The following PLXDC2 variants were observed in gnomAD, a reference collection of about 807,000 sequenced individuals.
PLXDC2 encodes plexin domain containing 2, also known as plexin domain-containing protein 2.
In PLXDC2, 40 loss-of-function variants were observed where a neutral mutation model predicts 68.9. The ratio of observed to expected loss-of-function variants is 0.58; its 90% CI spans 0.45 to 0.76. The LOEUF (loss-of-function observed/expected upper bound fraction) is 0.76. PLXDC2 is among the 30% of genes least tolerant of loss of function. PLXDC2 has a pLI of 0.00. For missense variants in PLXDC2, 644 were observed against 661.9 expected (o/e 0.97, Z 0.30); for synonymous variants, 243 against 234.2 (o/e 1.04, Z -0.34).
chr10:20,197,035 G>A (rs943978914), intron 9 of PLXDC2, among the ~76,000 whole-genome samples: 2 of 152,074 alleles, frequency 1.3e-5, no homozygotes, highest in African/African-American at 4.8e-5. Context: ...AATTCTTCAG[G>A]ATGTGCTAAT....
At chr10:20,161,532 G>A (rs767187822) in intron 6 of PLXDC2, among the ~76,000 whole-genome samples, 7 of 151,132 alleles carry the variant, frequency 4.6e-5, no homozygotes, top group Admixed American at 3.3e-4. Context: ...GGGAGAGGAC[G>A]ACAGAGGGTC....
At chr10:20,152,231 T>TA (rs1834162169) in intron 6 of PLXDC2, among the ~76,000 whole-genome samples, 1 of 152,124 alleles carries the variant, frequency 6.6e-6, no homozygotes, top group Non-Finnish European at 1.5e-5. Context: ...ATCTTGCTTA[T>TA]AGTGGGATTG....
At chr10:20,166,244 T>G (rs1444651592) in intron 7 of PLXDC2, among the ~76,000 whole-genome samples, 2 of 152,136 alleles carry the variant, frequency 1.3e-5, no homozygotes, top group Non-Finnish European at 2.9e-5. Context: ...TAAGATATCT[T>G]AGAACTGAAT....
At position 20,229,487 on chromosome 10, in the gene PLXDC2, TACTC is replaced by T. The variant is rs532418057; in HGVS notation, c.1312+10388_1312+10391del. Among the ~76,000 whole-genome samples, 14 of 138,552 alleles carry T rather than the reference TACTC, an allele frequency of 1.0e-4. No homozygotes were observed. In the South Asian group the frequency reaches 3.2e-3, roughly 32 times the overall value. The allele number at this position is 138,552 out of a possible 152,430, so 90.9% of individuals were successfully genotyped here. On this transcript the variant is annotated intron_variant, in intron 12 of 13. Coordinates refer to ENST00000377252, the MANE Select transcript of PLXDC2 (RefSeq NM_032812.9). ...GTGTGCTTGAATTAGCCATGCGTAT[TACTC>T]ACGTAATATGCTGATCCACTTTAAG...
At chr10:19,888,904 C>T (rs1837897441) in intron 1 of PLXDC2, among the ~76,000 whole-genome samples, 1 of 152,084 alleles carries the variant, frequency 6.6e-6, no homozygotes. Flanking sequence ...ACAATGCCAA[C>T]CAGTATTCTT....
intron 1 of PLXDC2, among the ~76,000 whole-genome samples, chr10:19,921,852 A>T (rs1833466520): frequency 6.6e-6 from 1 of 151,696 alleles, no homozygotes; most frequent in Non-Finnish European, 1.5e-5. Context: ...TAATTGTTCA[A>T]TTTTTTTTAA....
intron 3 of PLXDC2, among the ~76,000 whole-genome samples, chr10:20,049,153 AT>A (rs1835849767): frequency 6.6e-6 from 1 of 152,150 alleles, no homozygotes. Context: ...TATCAACAAA[AT>A]TCAACACCCT....
At chr10:19,866,982 G>C (rs1837429250) in intron 1 of PLXDC2, among the ~76,000 whole-genome samples, 1 of 151,932 alleles carries the variant, frequency 6.6e-6, no homozygotes, top group African/African-American at 2.4e-5. Flanking sequence ...TTGGCCTGTG[G>C]GTTTTCCTCT....
intron 2 of PLXDC2, among the ~76,000 whole-genome samples, chr10:20,040,839 G>A (rs1178231559): frequency 6.6e-6 from 1 of 152,136 alleles, no homozygotes; most frequent in Non-Finnish European, 1.5e-5. Flanking sequence ...ACAACCTGAA[G>A]GCCACTAGTT....
At chr10:19,856,662 C>G (rs989302975) in intron 1 of PLXDC2, among the ~76,000 whole-genome samples, 4 of 152,192 alleles carry the variant, frequency 2.6e-5, no homozygotes, top group African/African-American at 9.7e-5. Context: ...CAGCTCAACA[C>G]TGGCATTTCA....
chr10:20,166,469 A>G (rs1834375660), intron 7 of PLXDC2, among the ~76,000 whole-genome samples: 2 of 152,184 alleles, frequency 1.3e-5, no homozygotes, highest in South Asian at 4.1e-4. Flanking sequence ...GAGCTCTTAA[A>G]TAAGAGGCTG....
chr10:20,266,974 A>T (rs1403673569), intron 13 of PLXDC2, among the ~76,000 whole-genome samples: 1 of 152,220 alleles, frequency 6.6e-6, no homozygotes, highest in Non-Finnish European at 1.5e-5. Flanking sequence ...GAACTTAAGG[A>T]AACATCAAAC....
chr10:20,157,571 T>C (rs1304132379), intron 6 of PLXDC2, among the ~76,000 whole-genome samples: 2 of 152,206 alleles, frequency 1.3e-5, no homozygotes, highest in Non-Finnish European at 2.9e-5. Flanking sequence ...AGGAATTGTT[T>C]GGGGTTCCTG....
chr10:20,214,050 G>T lies in PLXDC2; in HGVS notation c.1122+2321G>T, dbSNP rs145852813. Among the ~76,000 whole-genome samples, 9 of 152,214 alleles carry T rather than the reference G, an allele frequency of 5.9e-5. No individual in the cohort carries two copies. The East Asian group carries it at 1.7e-3, about 29-fold the overall frequency. On this transcript the variant is annotated intron_variant, in intron 10 of 13. Transcript: ENST00000377252. The stretch of plus-strand genomic sequence containing the variant: ...TATTCTATGTAATCTACTCACTGAA[G>T]TAGAAATTCCAACAAACATTTTTCA...
At chr10:20,120,204 G>A (rs1041328543) in intron 4 of PLXDC2, among the ~76,000 whole-genome samples, 1 of 152,154 alleles carries the variant, frequency 6.6e-6, no homozygotes, top group African/African-American at 2.4e-5. Flanking sequence ...AGTTGGTCTG[G>A]TGTCTGGAAT....
intron 3 of PLXDC2, among the ~76,000 whole-genome samples, chr10:20,060,154 TC>T (rs1836074306): frequency 6.6e-6 from 1 of 152,128 alleles, no homozygotes; most frequent in South Asian, 2.1e-4. Context: ...TGCCTCAGCC[TC>T]CCCAGTAGCT....
chr10:19,876,706 T>C (rs1376471131), intron 1 of PLXDC2, among the ~76,000 whole-genome samples: 1 of 151,718 alleles, frequency 6.6e-6, no homozygotes, highest in Admixed American at 6.6e-5. Context: ...TGTCTAGTGA[T>C]AGGAACTCTG....
At chr10:19,846,609 G>C (rs2131322412) in intron 1 of PLXDC2, among the ~76,000 whole-genome samples, 1 of 152,238 alleles carries the variant, frequency 6.6e-6, no homozygotes, top group East Asian at 1.9e-4. Context: ...CTGCATGGAA[G>C]ACTTACTTTA....
chr10:19,896,522 A>G (rs1038328041), intron 1 of PLXDC2, among the ~76,000 whole-genome samples: 8 of 152,364 alleles, frequency 5.3e-5, no homozygotes, highest in African/African-American at 1.9e-4. Flanking sequence ...CTTGTTATTA[A>G]TAAGTCCTCA....
Sources: allele counts gnomAD v4.1 joint callset (sites outside exome capture counted in the v4.1 genomes callset), GRCh38; gene constraint gnomAD v4.1.1; transcripts MANE v1.5; gene names NCBI Gene and HGNC (gene_info 2026-07-23, HGNC 2026-07-21).